The following ZDHHC18 variants were observed in gnomAD, a reference collection of about 807,000 sequenced individuals.
ZDHHC18 encodes palmitoyltransferase ZDHHC18.
A neutral mutation model predicts 37.5 loss-of-function variants in ZDHHC18; 23 were observed. The ratio of observed to expected loss-of-function variants is 0.61; its 90% confidence interval spans 0.44 to 0.87. The LOEUF (loss-of-function observed/expected upper bound fraction) is 0.87, where lower values mean the gene tolerates loss of function less well. Ranked by LOEUF, ZDHHC18 falls within the 40% of genes least tolerant of loss-of-function variation. The probability of loss-of-function intolerance (pLI) is 0.00; values close to 1 mark genes in which losing one functional copy is unlikely to be tolerated. For missense variants in ZDHHC18, 406 were observed against 525.6 expected (o/e 0.77, Z 2.22); for synonymous variants, 185 against 218.7 (o/e 0.85, Z 1.36).
At chr1:26,837,243 ACT>A (rs2081616088) in intron 2 of ZDHHC18, among the ~76,000 whole-genome samples, 1 of 140,026 alleles carries the variant, frequency 7.1e-6, no homozygotes, top group Non-Finnish European at 1.6e-5. Context: ...ACAGAGTGAG[ACT>A]CTGTCTCAAA....
At position 26,827,119 on chromosome 1, in the gene ZDHHC18, C is replaced by T. The variant is rs2081561345; in HGVS notation, c.315C>T (p.Thr105=). 2.8e-6 allele frequency: 4 copies of T among 1,415,724 alleles called. No homozygotes were observed. The allele number at this position is 1,415,724 out of a possible 1,614,324, so 87.7% of individuals were successfully genotyped here. Residue 105 remains threonine, a synonymous_variant, in exon 1 of 8, where the codon ACC becomes ACT. Coordinates refer to ENST00000374142, the MANE Select transcript of ZDHHC18 (RefSeq NM_032283.3). ...ALTLLLILTT[T]GLFFVFDCPY... is the part of the protein sequence containing the mutation. The stretch of plus-strand genomic sequence containing the variant: ...CGCTGCTGCTCATCCTCACCACCAC[C>T]GGCCTCTTCTTCGTCTTTGAGTGAG...
Position 26,835,906 on chromosome 1 carries a change from T to C in ZDHHC18, c.496+3299T>C, listed in dbSNP as rs548512286. ...CCCAGCAACTCCAGCCCAACAGGTC[T>C]GGCCCAGGGCTCCTGCCCTGTGGGG... On this transcript the variant is annotated intron_variant, in intron 2 of 7. Transcript: ENST00000374142. Among the ~76,000 whole-genome samples the C allele has an allele frequency of 5.3e-5, 8 of 152,266 alleles. No individual in the cohort carries two copies. In the East Asian group the frequency reaches 1.2e-3, roughly 22 times the overall value.
chr1:26,847,576 GTGTTT>G (rs1219731401), intron 2 of ZDHHC18, among the ~76,000 whole-genome samples: 3 of 152,068 alleles, frequency 2.0e-5, no homozygotes, highest in Non-Finnish European at 2.9e-5. Context: ...TTTTGTTGCT[GTGTTT>G]TGTTTTGTTT....
chr1:26,839,166 C>T lies in ZDHHC18; in HGVS notation c.496+6559C>T, dbSNP rs145497910. 1.4e-3 allele frequency among the ~76,000 whole-genome samples: 213 copies of T among 152,336 alleles called. 1 individual carries two copies. Among genetic ancestry groups the T allele is most frequent in the Non-Finnish European group, 2.4e-3 (164 of 68,030 alleles). ...CTTTGCCCTCACAGCCATTCAGTGA[C>T]GAGTAGCCTTGCTTTTCGTCTCATT... is the stretch of plus-strand genomic sequence containing the variant. On this transcript the variant is annotated intron_variant, in intron 2 of 7. Transcript: ENST00000374142.
chr1:26,845,176 C>T (rs1402381545), intron 2 of ZDHHC18, among the ~76,000 whole-genome samples: 3 of 151,566 alleles, frequency 2.0e-5, no homozygotes, highest in Non-Finnish European at 2.9e-5. Context: ...CCACCTGCCT[C>T]GGCCTCCCAA....
intron 6 of ZDHHC18, among the ~76,000 whole-genome samples, 163 bp from the exon 7 acceptor site, chr1:26,852,590 G>A (rs183371110): frequency 3.2e-4 from 48 of 152,318 alleles, no homozygotes; most frequent in African/African-American, 1.1e-3. Context: ...TCTCTGCCAG[G>A]GGTCCCCCAC....
chr1:26,843,376 G>A (rs2081648133), intron 2 of ZDHHC18, among the ~76,000 whole-genome samples: 1 of 150,340 alleles, frequency 6.7e-6, no homozygotes, highest in Admixed American at 6.7e-5. Flanking sequence ...CCTGACCTAA[G>A]GTGATCCACC....
intron 1 of ZDHHC18, among the ~76,000 whole-genome samples, chr1:26,828,803 C>T (rs904056007): frequency 6.6e-5 from 10 of 151,274 alleles, no homozygotes; most frequent in African/African-American, 2.2e-4. Flanking sequence ...AGATCCACTT[C>T]CCTGGGCTGG....
intron 2 of ZDHHC18, among the ~76,000 whole-genome samples, chr1:26,836,395 T>G (rs1377741060): frequency 6.6e-6 from 1 of 151,900 alleles, no homozygotes; most frequent in East Asian, 1.9e-4. Context: ...TCAATTGTAG[T>G]TATCTCTCCA....
intron 2 of ZDHHC18, among the ~76,000 whole-genome samples, chr1:26,841,916 A>G (rs1324896612): frequency 6.6e-6 from 1 of 151,882 alleles, no homozygotes; most frequent in African/African-American, 2.4e-5. Context: ...TGGGTGGATC[A>G]TGAGGTCAGG....
intron 1 of ZDHHC18, among the ~76,000 whole-genome samples, chr1:26,829,533 C>T (rs1356451598): frequency 1.3e-5 from 2 of 152,092 alleles, no homozygotes; most frequent in Non-Finnish European, 2.9e-5. Context: ...CATAGCAAAC[C>T]ACTCCCCTCC....
rs770143143 is a variant in ZDHHC18, at chr1:26,857,604, A to G, written c.*3761A>G. ...AAGATTCCCCTCTTCTTGCCATACC[A>G]TTGGCTGTCTGGTGGCGCCTTTACT... On this transcript the variant is annotated 3_prime_UTR_variant, in exon 8 of 8. Transcript: ENST00000374142. 1.1e-4 allele frequency: 17 copies of G among 149,620 alleles called. No individual in the cohort carries two copies. The highest frequency in any genetic ancestry group is 2.2e-4 in the Non-Finnish European group (15 of 67,404). 9.3% of individuals were successfully genotyped at this position (149,620 alleles called of 1,614,324 possible). A position where few individuals can be genotyped will look rare whatever the true frequency, so the allele number is the denominator to read the frequency against.
At chr1:26,852,910 G>A (rs2081713811) in intron 7 of ZDHHC18, 45 bp downstream of exon 7, 4 of 1,580,234 alleles carry the variant, frequency 2.5e-6, no homozygotes, top group Admixed American at 1.7e-5. Flanking sequence ...GCCATGCCTG[G>A]CCAGTGATCA....
intron 2 of ZDHHC18, among the ~76,000 whole-genome samples, chr1:26,846,578 C>T (rs942251606): frequency 2.0e-5 from 3 of 151,404 alleles, no homozygotes; most frequent in African/African-American, 7.3e-5. Flanking sequence ...GCCTCGGCCT[C>T]CCAAAGTGCT....
At chr1:26,831,771 TTGGGTCACAGTGACAGTGGC>T (rs2124247326) in intron 1 of ZDHHC18, among the ~76,000 whole-genome samples, 1 of 152,316 alleles carries the variant, frequency 6.6e-6, no homozygotes, top group Admixed American at 6.5e-5. Flanking sequence ...CCTGCCTACC[TTGGGTCACAGTGACAGTGGC>T]TGGACCATGC....
At chr1:26,833,628 G>A (rs976100002) in intron 2 of ZDHHC18, among the ~76,000 whole-genome samples, 4 of 152,110 alleles carry the variant, frequency 2.6e-5, no homozygotes, top group South Asian at 2.1e-4. Context: ...TGTGGGTTCC[G>A]GGGTGGCGGG....
intron 1 of ZDHHC18, among the ~76,000 whole-genome samples, chr1:26,829,765 G>C (rs1230568474): frequency 6.6e-6 from 1 of 152,206 alleles, no homozygotes; most frequent in Non-Finnish European, 1.5e-5. Flanking sequence ...CAGTGTATTT[G>C]CTGGGAGGCT....
intron 1 of ZDHHC18, among the ~76,000 whole-genome samples, chr1:26,829,834 G>A (rs958105604): frequency 6.6e-6 from 1 of 152,188 alleles, no homozygotes; most frequent in African/African-American, 2.4e-5. Flanking sequence ...TGTGGGCCTG[G>A]GAGAGCTGTT....
chr1:26,850,927 G>T lies in ZDHHC18; in HGVS notation c.834-202G>T, dbSNP rs1182746204. 6.6e-6 allele frequency among the ~76,000 whole-genome samples: 1 copy of T among 152,182 alleles called. No homozygotes were observed. The highest frequency in any genetic ancestry group is 1.9e-4 in the East Asian group (1 of 5,188). Reference sequence around the variant, plus strand: ...CTCTGCCGTCCATCACCCTGACCTTGTCTGGCTCTTGAGTGGGGTCCTGAC... The same window carrying T: ...CTCTGCCGTCCATCACCCTGACCTTTTCTGGCTCTTGAGTGGGGTCCTGAC... On this transcript the variant is annotated intron_variant, in intron 5 of 7. Coordinates refer to ENST00000374142, the MANE Select transcript of ZDHHC18 (RefSeq NM_032283.3). The surrounding 1 kb of genome is among the most constrained non-coding windows in gnomAD (Gnocchi z 6.1).
Sources: allele counts gnomAD v4.1 joint callset (sites outside exome capture counted in the v4.1 genomes callset), GRCh38; gene constraint gnomAD v4.1.1; non-coding constraint Gnocchi (gnomAD v3.1); transcripts MANE v1.5; gene names NCBI Gene and HGNC (gene_info 2026-07-23, HGNC 2026-07-21).